DENND5B: variants seen among roughly 807,000 people sequenced by gnomAD.
The protein encoded by DENND5B is DENN domain-containing protein 5B.
In DENND5B, 34 loss-of-function variants were observed where a neutral mutation model predicts 140.6. The observed-to-expected ratio is 0.24, with a 90% CI of 0.18 to 0.32. The LOEUF is 0.32. Ranked by LOEUF, DENND5B falls within the 10% of genes least tolerant of loss-of-function variation. DENND5B has a pLI of 1.00. For synonymous variants in DENND5B, 551 were observed against 562.1 expected (o/e 0.98, Z 0.28); for missense variants, 1,142 against 1,560.2 (o/e 0.73, Z 4.52).
chr12:31,561,243 A>T lies in DENND5B; in HGVS notation c.127+29463T>A, dbSNP rs116810279. On this transcript the variant is annotated intron_variant, in intron 1 of 20. Coordinates refer to ENST00000389082, the MANE Select transcript of DENND5B (RefSeq NM_144973.4). ...AAAGCCCGCAATTTAAAGCACAGCA[A>T]AGCATTTCCTTATCCACATATCGCA... Among the ~76,000 whole-genome samples, 1,466 of 152,356 alleles carry T rather than the reference A, an allele frequency of 9.6e-3. 27 individuals are homozygous for T. The highest frequency in any genetic ancestry group is 0.033 in the African/African-American group (1,388 of 41,590).
rs1262938835 is a variant in DENND5B at position 31,433,610 on chromosome 12, CAAAGT to C, written c.2013-367_2013-363del. ...TATAATAGTAATGCCTTGACTTGCT[CAAAGT>C]AAATATTATGAATATTTTTTAATAC... On this transcript the variant is annotated intron_variant, in intron 7 of 20. Coordinates refer to ENST00000389082, the MANE Select transcript of DENND5B (RefSeq NM_144973.4). 5.3e-5 allele frequency among the ~76,000 whole-genome samples: 8 copies of C among 152,198 alleles called. No individual in the cohort carries two copies. In the South Asian group the frequency reaches 6.2e-4, roughly 12 times the overall value.
At chr12:31,486,226 T>C (rs1023994263) in intron 2 of DENND5B, among the ~76,000 whole-genome samples, 12 of 152,098 alleles carry the variant, frequency 7.9e-5, no homozygotes, top group Non-Finnish European at 1.6e-4. Context: ...TTATAAAAGG[T>C]TGAAGGGAGC....
chr12:31,552,805 T>C (rs1051826256), intron 1 of DENND5B, among the ~76,000 whole-genome samples: 3 of 152,366 alleles, frequency 2.0e-5, no homozygotes, highest in African/African-American at 4.8e-5. Context: ...GGAGGATGTA[T>C]GTGTCAAGGA....
chr12:31,527,305 A>G (rs11051452), intron 1 of DENND5B, among the ~76,000 whole-genome samples: 3 of 152,198 alleles, frequency 2.0e-5, no homozygotes, highest in East Asian at 1.9e-4. Context: ...AGCAAAGATC[A>G]TAAGACAGGA....
chr12:31,490,850 C>T (rs998841833), intron 2 of DENND5B, among the ~76,000 whole-genome samples: 1 of 152,174 alleles, frequency 6.6e-6, no homozygotes, highest in Admixed American at 6.5e-5. Flanking sequence ...CTTCATTCCA[C>T]TATATCCTTC....
At chr12:31,552,085 G>A (rs1287021523) in intron 1 of DENND5B, among the ~76,000 whole-genome samples, 2 of 152,144 alleles carry the variant, frequency 1.3e-5, no homozygotes, top group Non-Finnish European at 1.5e-5. Flanking sequence ...GCCCTGGCCA[G>A]AACTTCCAAC....
chr12:31,523,427 T>C (rs1462001981), intron 1 of DENND5B, among the ~76,000 whole-genome samples: 1 of 152,154 alleles, frequency 6.6e-6, no homozygotes, highest in African/African-American at 2.4e-5. Context: ...GTTTAGGCCA[T>C]CCTGTTGCTG....
At chr12:31,582,611 T>C (rs760815337) in intron 1 of DENND5B, among the ~76,000 whole-genome samples, 1 of 152,202 alleles carries the variant, frequency 6.6e-6, no homozygotes, top group African/African-American at 2.4e-5. Flanking sequence ...ATTAAATATA[T>C]AATCTTCTAA....
rs1950598529 is a variant in DENND5B at position 31,590,928 on chromosome 12, G to A, written c.-96C>T. 12 of 1,122,530 alleles carry A rather than the reference G, an allele frequency of 1.1e-5. No homozygotes were observed. In the South Asian group the frequency reaches 2.6e-4, roughly 24 times the overall value. The allele number at this position is 1,122,530 out of a possible 1,614,324, so 69.5% of individuals were successfully genotyped here. A position where few individuals can be genotyped will look rare whatever the true frequency, so the allele number is the denominator to read the frequency against. ...CGCTCCGGCTGTGGTCTGTGCGCCC[G>A]CCCTAGGGCGACACTGGCGCGCCCA... On this transcript the variant is annotated 5_prime_UTR_variant, in exon 1 of 21. Transcript: ENST00000389082.
chr12:31,446,172 G>A (rs146261957), intron 6 of DENND5B, among the ~76,000 whole-genome samples: 1,578 of 151,716 alleles, frequency 0.01, 14 homozygotes, highest in Admixed American at 0.019. Flanking sequence ...TTTTTGAGAC[G>A]GAGTCTTGCT....
chr12:31,565,119 G>C (rs1255633118), intron 1 of DENND5B, among the ~76,000 whole-genome samples: 1 of 152,076 alleles, frequency 6.6e-6, no homozygotes, highest in African/African-American at 2.4e-5. Context: ...CATCTATTAA[G>C]GGATTAGCTG....
chr12:31,427,244 TA>T (rs1943281264), intron 8 of DENND5B, among the ~76,000 whole-genome samples: 1 of 152,100 alleles, frequency 6.6e-6, no homozygotes, highest in Admixed American at 6.6e-5. Flanking sequence ...GAATTTCTAT[TA>T]AAAAAATCAC....
At chr12:31,400,908 T>A (rs1941762027) in intron 15 of DENND5B, among the ~76,000 whole-genome samples, 1 of 148,454 alleles carries the variant, frequency 6.7e-6, no homozygotes, top group South Asian at 2.2e-4. Context: ...AATGGTGCAA[T>A]CTCCGCTCAC....
chr12:31,413,578 G>T lies in DENND5B; in HGVS notation c.2553-14C>A. The T allele has an allele frequency of 6.2e-7, 1 of 1,605,732 alleles. No individual in the cohort carries two copies. The stretch of plus-strand genomic sequence containing the variant: ...TTTTGAATATGCCTAAAGAATAGTG[G>T]CAACAGCAAAGATGTAGATTTTAAG... On this transcript the variant is annotated splice_polypyrimidine_tract_variant and intron_variant, in intron 12 of 20. Transcript: ENST00000389082.
At chr12:31,509,599 T>A (rs548807342) in intron 1 of DENND5B, among the ~76,000 whole-genome samples, 1 of 152,348 alleles carries the variant, frequency 6.6e-6, no homozygotes, top group South Asian at 2.1e-4. Flanking sequence ...GGCTAAATTT[T>A]GAGATAGTTT....
At position 31,387,753 on chromosome 12, in the gene DENND5B, T is replaced by G. The variant is rs1940917050; in HGVS notation, c.3675A>C (p.Leu1225Phe). The G allele has an allele frequency of 3.7e-6, 6 of 1,613,960 alleles. No homozygotes were observed. Among genetic ancestry groups the G allele is most frequent in the Non-Finnish European group, 5.1e-6 (6 of 1,179,886 alleles). The change falls in exon 21 of 21, where the codon TTA becomes TTC. Residue 1225 changes from leucine (L) to phenylalanine (F), a missense_variant. Around this residue, in one of 5 missense-constraint regions of DENND5B, gnomAD observed 125 missense variants for 179.0 expected, o/e 0.70. Coordinates refer to ENST00000389082, the MANE Select transcript of DENND5B (RefSeq NM_144973.4). ...DRLLPQWIPL[L>F]AECPAITRMY... is the part of the protein sequence containing the mutation. ...TTCGAGTGATGGCAGGACACTCAGC[T>G]AACAATGGAATCCACTGTGGGAGCA...
intron 1 of DENND5B, among the ~76,000 whole-genome samples, chr12:31,518,659 T>C (rs1000580800): frequency 6.6e-6 from 1 of 152,166 alleles, no homozygotes; most frequent in African/African-American, 2.4e-5. Flanking sequence ...GTATATTACC[T>C]TCCCTTCTCA....
At position 31,392,159 on chromosome 12, in the gene DENND5B, A is replaced by T. The variant is rs565088641; in HGVS notation, c.3466+108T>A. 5,043 of 1,160,456 alleles carry T rather than the reference A, an allele frequency of 4.3e-3. 26 individuals carry two copies. The highest frequency in any genetic ancestry group is 5.2e-3 in the Non-Finnish European group (4,573 of 881,572). 71.9% of individuals were successfully genotyped at this position (1,160,456 alleles called of 1,614,324 possible). On this transcript the variant is annotated intron_variant, in intron 19 of 20. Transcript: ENST00000389082. ...GTCTCAAAAAAAAAAAAAGAAAAAAAATATATATATCCTTATCACTAACCC... is the reference window on the plus strand; with the variant it reads ...GTCTCAAAAAAAAAAAAAGAAAAAATATATATATATCCTTATCACTAACCC...
rs577195755 is a variant in DENND5B at position 31,572,432 on chromosome 12, G to C, written c.127+18274C>G. Among the ~76,000 whole-genome samples, 4 of 150,128 alleles carry C rather than the reference G, an allele frequency of 2.7e-5. No homozygotes were observed. In the Middle Eastern group the frequency reaches 0.014, roughly 521 times the overall value. On this transcript the variant is annotated intron_variant, in intron 1 of 20. Transcript: ENST00000389082. ...CCTATTAAAAAATGTCTGAAACAAA[G>C]CAAATACTTAATTTTCTGGATAATC...
Sources: gnomAD v4.1 joint callset for allele counts (sites outside exome capture counted in the v4.1 genomes callset) on GRCh38, gnomAD v4.1.1 for gene constraint, gnomAD v4.1.1 regional missense constraint, MANE v1.5 for transcripts, NCBI Gene and HGNC (gene_info 2026-07-23, HGNC 2026-07-21) for gene names.